TM9SF3: variants seen among roughly 807,000 people sequenced by gnomAD.
TM9SF3 encodes SM-11044-binding protein.
In TM9SF3, 14 loss-of-function variants were observed where a neutral mutation model predicts 78.6. That is an observed-to-expected ratio of 0.18 (90% CI 0.12 to 0.28). TM9SF3 has a LOEUF of 0.28. TM9SF3 is among the 10% of genes least tolerant of loss of function. The pLI, the probability that TM9SF3 is intolerant of heterozygous loss-of-function variation, is 1.00. For missense variants in TM9SF3, 496 were observed against 721.9 expected (o/e 0.69, Z 3.59); for synonymous variants, 231 against 241.7 (o/e 0.96, Z 0.41).
intron 1 of TM9SF3, among the ~76,000 whole-genome samples, chr10:96,583,418 A>G (rs1257114633): frequency 6.6e-6 from 1 of 152,228 alleles, no homozygotes; most frequent in Non-Finnish European, 1.5e-5. Context: ...AAGATCTCAG[A>G]AACAACTCAT....
intron 1 of TM9SF3, among the ~76,000 whole-genome samples, chr10:96,578,568 T>C (rs1170288299): frequency 3.9e-5 from 6 of 152,230 alleles, no homozygotes; most frequent in Admixed American, 2.6e-4. Context: ...TAAATGTTAA[T>C]GTAGCAGTAT....
intron 14 of TM9SF3, among the ~76,000 whole-genome samples, chr10:96,523,257 T>C (rs1468456834): frequency 6.6e-6 from 1 of 151,882 alleles, no homozygotes. Flanking sequence ...CCCAATATTA[T>C]TGAAAGCTTA....
At position 96,576,824 on chromosome 10, in the gene TM9SF3, T is replaced by C. The variant is rs1848502372; in HGVS notation, c.108A>G (p.Gln36=). Residue 36 remains glutamine, a synonymous_variant, in exon 2 of 15, where the codon CAA becomes CAG. Coordinates refer to ENST00000371142, the MANE Select transcript of TM9SF3 (RefSeq NM_020123.4). ...TRADEHEHTY[Q]DKEEVVLWMN... Reference sequence around the variant, plus strand: ...TCCATAAGACAACTTCCTCTTTATCTTGATACTGAAACAAGAAAAGCAAAC... The same window carrying C: ...TCCATAAGACAACTTCCTCTTTATCCTGATACTGAAACAAGAAAAGCAAAC... 1.3e-6 allele frequency: 2 copies of C among 1,498,770 alleles called. No individual in the cohort carries two copies. The highest frequency in any genetic ancestry group is 2.9e-5 in the African/African-American group (2 of 69,120). The allele number at this position is 1,498,770 out of a possible 1,614,324, so 92.8% of individuals were successfully genotyped here.
At chr10:96,533,021 C>T (rs1404626851) in intron 10 of TM9SF3, 30 bp downstream of exon 10, 1 of 1,611,978 alleles carries the variant, frequency 6.2e-7, no homozygotes, top group East Asian at 2.2e-5. Flanking sequence ...TTGTGTGAAA[C>T]AATCGCATAA....
chr10:96,548,753 G>C, intron 7 of TM9SF3, among the ~76,000 whole-genome samples: 1 of 139,756 alleles, frequency 7.2e-6, no homozygotes, highest in Middle Eastern at 4.4e-3. Flanking sequence ...AGCCAAGAAC[G>C]CGTCACTGCA....
chr10:96,582,275 A>G (rs1848578889), intron 1 of TM9SF3, among the ~76,000 whole-genome samples: 2 of 152,236 alleles, frequency 1.3e-5, no homozygotes, highest in African/African-American at 4.8e-5. Context: ...CATGTAAAAG[A>G]CAGGTAGAAA....
intron 4 of TM9SF3, among the ~76,000 whole-genome samples, chr10:96,561,175 A>G (rs33964467): frequency 0.21 from 32,553 of 152,078 alleles, 3,926 homozygotes; most frequent in Admixed American, 0.31. Context: ...TATTACTTGC[A>G]CATTCGCCTC....
At position 96,522,071 on chromosome 10, in the gene TM9SF3, G is replaced by A. The variant is rs1847782657; in HGVS notation, c.*192C>T. The A allele has an allele frequency of 1.5e-5, 9 of 585,674 alleles. No individual in the cohort carries two copies. The highest frequency in any genetic ancestry group is 2.4e-5 in the Non-Finnish European group (8 of 334,148). 36.3% of individuals were successfully genotyped at this position (585,674 alleles called of 1,614,324 possible). ...ATCCAAGCATTTGCTGTGAACAGTTGGAGAAAGCAGTCAGGAAGAACCTAG... is the reference window on the plus strand; with the variant it reads ...ATCCAAGCATTTGCTGTGAACAGTTAGAGAAAGCAGTCAGGAAGAACCTAG... On this transcript the variant is annotated 3_prime_UTR_variant, in exon 15 of 15. Transcript: ENST00000371142.
chr10:96,559,843 T>C, intron 4 of TM9SF3, 107 bp from the exon 5 acceptor site: 1 of 611,384 alleles, frequency 1.6e-6, no homozygotes, highest in Non-Finnish European at 2.7e-6. Flanking sequence ...GAATTAAAAT[T>C]CACTAGAGAA....
At chr10:96,544,952 G>A (rs933659407) in intron 8 of TM9SF3, among the ~76,000 whole-genome samples, 9 of 151,684 alleles carry the variant, frequency 5.9e-5, no homozygotes, top group African/African-American at 1.9e-4. Context: ...CGTTTGAAAA[G>A]AAAAAAAACC....
rs1017190276 is a variant in TM9SF3 at position 96,532,978 on chromosome 10, T to C, written c.1325+73A>G. The C allele has an allele frequency of 2.6e-6, 4 of 1,537,026 alleles. No individual in the cohort carries two copies. In the East Asian group the frequency reaches 6.8e-5, roughly 26 times the overall value. On this transcript the variant is annotated intron_variant, in intron 10 of 14. Coordinates refer to ENST00000371142, the MANE Select transcript of TM9SF3 (RefSeq NM_020123.4). ...CATAAATACATACCAATTCTAAAGT[T>C]ACATGTACACAACAGCCTTAAGAAC... is the stretch of plus-strand genomic sequence containing the variant.
At chr10:96,579,770 CAATTAACTTAAAATGT>C (rs1848539574) in intron 1 of TM9SF3, among the ~76,000 whole-genome samples, 1 of 152,144 alleles carries the variant, frequency 6.6e-6, no homozygotes, top group African/African-American at 2.4e-5. Flanking sequence ...TGGTTTAATA[CAATTAACTTAAAATGT>C]TTACTTTTCA....
Position 96,565,289 on chromosome 10 carries a change from A to G in TM9SF3, c.421+15T>C. ...CAAATTTTCCCAAATCTTAAATACAACATACAATACTTACCCCATATTGGT... is the reference window on the plus strand; with the variant it reads ...CAAATTTTCCCAAATCTTAAATACAGCATACAATACTTACCCCATATTGGT... On this transcript the variant is annotated intron_variant, in intron 3 of 14. Transcript: ENST00000371142. 1 of 1,507,274 alleles carries G rather than the reference A, an allele frequency of 6.6e-7. No individual in the cohort carries two copies. Among genetic ancestry groups the G allele is most frequent in the South Asian group, 1.3e-5 (1 of 74,210 alleles). 93.4% of individuals were successfully genotyped at this position (1,507,274 alleles called of 1,614,324 possible).
chr10:96,545,947 C>T (rs983319323), intron 8 of TM9SF3, among the ~76,000 whole-genome samples: 1 of 152,128 alleles, frequency 6.6e-6, no homozygotes, highest in African/African-American at 2.4e-5. Flanking sequence ...CTCTATTTCT[C>T]CCTTTCCTTC....
In TM9SF3 at chr10:96,527,915, T is replaced by A; in HGVS notation, c.1541+116A>T. 3.9e-6 allele frequency: 4 copies of A among 1,034,546 alleles called. No homozygotes were observed. In the South Asian group the frequency reaches 8.9e-5, roughly 23 times the overall value. The allele number at this position is 1,034,546 out of a possible 1,614,324, so 64.1% of individuals were successfully genotyped here. Reference sequence around the variant, plus strand: ...TATAACTGGAAAAAAATCCCTATGCTATTTTAAGTAACAACATTTCTATAC... The same window carrying A: ...TATAACTGGAAAAAAATCCCTATGCAATTTTAAGTAACAACATTTCTATAC... On this transcript the variant is annotated intron_variant, in intron 12 of 14. Coordinates refer to ENST00000371142, the MANE Select transcript of TM9SF3 (RefSeq NM_020123.4).
rs894604732 is a variant in TM9SF3, at chr10:96,521,136, C to A, written c.*1127G>T. 5 of 368,308 alleles carry A rather than the reference C, an allele frequency of 1.4e-5. No homozygotes were observed. The highest frequency in any genetic ancestry group is 6.3e-5 in the African/African-American group (3 of 47,508). 22.8% of individuals were successfully genotyped at this position (368,308 alleles called of 1,614,324 possible). A position where few individuals can be genotyped will look rare whatever the true frequency, so the allele number is the denominator to read the frequency against. ...AGAAAATAAACAGAAGAAAACAACC[C>A]CCCTCCCAAAAGAAGTATGACACAC... On this transcript the variant is annotated 3_prime_UTR_variant, in exon 15 of 15. Coordinates refer to ENST00000371142, the MANE Select transcript of TM9SF3 (RefSeq NM_020123.4).
chr10:96,527,356 T>C, intron 13 of TM9SF3, 57 bp downstream of exon 13: 1 of 1,585,848 alleles, frequency 6.3e-7, no homozygotes, highest in Middle Eastern at 1.7e-4. Flanking sequence ...TAAATATTAG[T>C]ATTTAAAGGA....
chr10:96,523,045 C>T (rs1327250759), intron 14 of TM9SF3, among the ~76,000 whole-genome samples: 1 of 151,790 alleles, frequency 6.6e-6, no homozygotes, highest in East Asian at 1.9e-4. Flanking sequence ...GAGTGCCTGG[C>T]ATATAAGATA....
rs1298594948 is a variant in TM9SF3, at chr10:96,520,463, T to C, written c.*1800A>G. 6.4e-6 allele frequency: 1 copy of C among 156,958 alleles called. No individual in the cohort carries two copies. Among genetic ancestry groups the C allele is most frequent in the Non-Finnish European group, 1.4e-5 (1 of 71,390 alleles). The allele number at this position is 156,958 out of a possible 1,614,324, so 9.7% of individuals were successfully genotyped here. On this transcript the variant is annotated 3_prime_UTR_variant, in exon 15 of 15. Transcript: ENST00000371142. ...TAGAGTCCATCAATAGATAGGTACA[T>C]ATTTTGTAATGAAAACATCTTGTGT...
Sources: gnomAD v4.1 joint callset for allele counts (sites outside exome capture counted in the v4.1 genomes callset) on GRCh38, gnomAD v4.1.1 for gene constraint, MANE v1.5 for transcripts, NCBI Gene and HGNC (gene_info 2026-07-23, HGNC 2026-07-21) for gene names.